The following ACOT7 variants were observed in gnomAD, a reference collection of about 807,000 sequenced individuals.
ACOT7 encodes cytosolic acyl coenzyme A thioester hydrolase.
In ACOT7, 12 loss-of-function variants were observed where a neutral mutation model predicts 40.2. That is an observed-to-expected ratio of 0.30 (90% CI 0.19 to 0.48). The LOEUF (loss-of-function observed/expected upper bound fraction) is 0.48, where lower values mean the gene tolerates loss of function less well. Ranked by LOEUF, ACOT7 falls within the 20% of genes least tolerant of loss-of-function variation. The probability of loss-of-function intolerance (pLI) is 0.99; values close to 1 mark genes in which losing one functional copy is unlikely to be tolerated. For missense variants in ACOT7, 395 were observed against 530.8 expected, an observed-to-expected ratio of 0.74 and a Z score of 2.51; for synonymous variants, 228 against 219.5, an observed-to-expected ratio of 1.04 and a Z score of -0.34.
Position 6,352,014 on chromosome 1 carries a change from G to A in ACOT7, c.144-2148C>T, listed in dbSNP as rs1033592676. On this transcript the variant is annotated intron_variant, in intron 1 of 8. Transcript: ENST00000361521. This position sits in a 1 kb window ranked among gnomAD's most constrained non-coding sequence, Gnocchi z 4.5. ...GAGTACATGCCAGGAACTGCAGACCGCACGCCAGCTGGCTACCACGGGCCT... is the reference window on the plus strand; with the variant it reads ...GAGTACATGCCAGGAACTGCAGACCACACGCCAGCTGGCTACCACGGGCCT... 2.6e-5 allele frequency among the ~76,000 whole-genome samples: 4 copies of A among 152,246 alleles called. No individual in the cohort carries two copies. The highest frequency in any genetic ancestry group is 2.6e-4 in the Admixed American group (4 of 15,294).
chr1:6,298,261 A>C (rs1639868176), intron 6 of ACOT7, among the ~76,000 whole-genome samples: 2 of 152,052 alleles, frequency 1.3e-5, no homozygotes, highest in South Asian at 4.2e-4. Flanking sequence ...CAGCCTCCTA[A>C]GTAGCTGGGA....
intron 1 of ACOT7, among the ~76,000 whole-genome samples, chr1:6,362,494 C>T (rs543632203): frequency 1.3e-5 from 2 of 151,568 alleles, no homozygotes; most frequent in African/African-American, 4.8e-5. Context: ...CCCTCCCATA[C>T]CTACCCAGGC....
chr1:6,331,406 G>T (rs567270426), intron 4 of ACOT7, among the ~76,000 whole-genome samples: 1 of 152,234 alleles, frequency 6.6e-6, no homozygotes, highest in Non-Finnish European at 1.5e-5. Flanking sequence ...GCCAAGGGAC[G>T]CCTGGAGCCA....
chr1:6,355,253 G>C lies in ACOT7; in HGVS notation c.144-5387C>G, dbSNP rs544580122. On this transcript the variant is annotated intron_variant, in intron 1 of 8. Transcript: ENST00000361521. This position sits in a 1 kb window ranked among gnomAD's most constrained non-coding sequence, Gnocchi z 5.0. ...CCCGGCACCACCCACCCAAACCCCAGATGCACAGGGACACCCTGACCCAGG... is the reference window on the plus strand; with the variant it reads ...CCCGGCACCACCCACCCAAACCCCACATGCACAGGGACACCCTGACCCAGG... Among the ~76,000 whole-genome samples the C allele has an allele frequency of 3.3e-5, 5 of 152,228 alleles. No individual in the cohort carries two copies. The highest frequency in any genetic ancestry group is 3.4e-3 in the Middle Eastern group (1 of 294).
chr1:6,305,297 G>C (rs1200069446), intron 6 of ACOT7, among the ~76,000 whole-genome samples: 28 of 121,528 alleles, frequency 2.3e-4, no homozygotes, highest in Non-Finnish European at 4.0e-4. Context: ...CGGGCAGAGG[G>C]GCTCCTCACT....
chr1:6,274,907 A>G lies in ACOT7; in HGVS notation c.1014+6195T>C, dbSNP rs969814047. Among the ~76,000 whole-genome samples the G allele has an allele frequency of 2.0e-5, 3 of 152,146 alleles. No individual in the cohort carries two copies. The highest frequency in any genetic ancestry group is 2.9e-5 in the Non-Finnish European group (2 of 68,014). Reference sequence around the variant, plus strand: ...AGGGTTCTCAGGCAGGGCTCCTCCCAGGACCCCACAGTAGGGCCTGGCTGG... The same window carrying G: ...AGGGTTCTCAGGCAGGGCTCCTCCCGGGACCCCACAGTAGGGCCTGGCTGG... On this transcript the variant is annotated intron_variant, in intron 8 of 8. Transcript: ENST00000361521. The surrounding 1 kb of genome is among the most constrained non-coding windows in gnomAD (Gnocchi z 5.9).
At chr1:6,337,306 TG>T (rs925836597) in intron 3 of ACOT7, among the ~76,000 whole-genome samples, 4 of 152,176 alleles carry the variant, frequency 2.6e-5, no homozygotes, top group Non-Finnish European at 5.9e-5. Flanking sequence ...TGCTCACGCC[TG>T]CCTTGGCTCT....
At chr1:6,357,510 G>A (rs559101306) in intron 1 of ACOT7, among the ~76,000 whole-genome samples, 1 of 152,364 alleles carries the variant, frequency 6.6e-6, no homozygotes, top group African/African-American at 2.4e-5. Flanking sequence ...CAGCTGGAAA[G>A]CTGGGTGGGA....
intron 8 of ACOT7, among the ~76,000 whole-genome samples, chr1:6,273,536 AAGGTGGGGGC>A (rs1639099659): frequency 1.3e-5 from 2 of 152,212 alleles, no homozygotes; most frequent in South Asian, 2.1e-4. Flanking sequence ...GGCTGGCAGC[AAGGTGGGGGC>A]AGGAGGGGGG....
chr1:6,340,122 T>C (rs371627390), intron 2 of ACOT7, among the ~76,000 whole-genome samples: 56 of 152,100 alleles, frequency 3.7e-4, no homozygotes, highest in Middle Eastern at 3.4e-3. Context: ...CCCGCCACCA[T>C]GCCCGGCTAA....
intron 3 of ACOT7, among the ~76,000 whole-genome samples, chr1:6,336,651 G>A (rs192613952): frequency 9.9e-5 from 15 of 152,236 alleles, no homozygotes; most frequent in Admixed American, 2.0e-4. Flanking sequence ...GGGTCCCCGC[G>A]CGCATCCTCT....
intron 1 of ACOT7, among the ~76,000 whole-genome samples, chr1:6,378,792 G>A (rs948375639): frequency 6.6e-6 from 1 of 151,940 alleles, no homozygotes; most frequent in African/African-American, 2.4e-5. Flanking sequence ...CGAGGGCAGG[G>A]GCTGGTGTTC....
rs757084270 is a variant in ACOT7, at chr1:6,306,966, G to A, written c.712+11526C>T. The A allele has an allele frequency of 2.6e-4, 324 of 1,253,346 alleles. No homozygotes were observed. The highest frequency in any genetic ancestry group is 3.8e-4 in the African/African-American group (25 of 65,020). 77.6% of individuals were successfully genotyped at this position (1,253,346 alleles called of 1,614,324 possible). A position where few individuals can be genotyped will look rare whatever the true frequency, so the allele number is the denominator to read the frequency against. On this transcript the variant is annotated intron_variant, in intron 6 of 8. Transcript: ENST00000361521. The surrounding 1 kb of genome is among the most constrained non-coding windows in gnomAD (Gnocchi z 4.3). ...GCGTCTTGGTGGAGGCCTCACTTGC[G>A]TCCCCTCCCATGTTTTCTCTGCCTT...
intron 8 of ACOT7, among the ~76,000 whole-genome samples, chr1:6,277,608 C>T (rs1048994852): frequency 2.0e-5 from 3 of 152,258 alleles, no homozygotes; most frequent in Non-Finnish European, 2.9e-5. Flanking sequence ...AGTGGCTCTG[C>T]GCCTTTGGCC....
At chr1:6,365,518 C>T in intron 1 of ACOT7, among the ~76,000 whole-genome samples, 1 of 152,038 alleles carries the variant, frequency 6.6e-6, no homozygotes, top group Non-Finnish European at 1.5e-5. Context: ...ACCTGTAATC[C>T]CAGCACTTTG....
intron 1 of ACOT7, among the ~76,000 whole-genome samples, chr1:6,361,761 C>A (rs1044125757): frequency 6.6e-6 from 1 of 152,098 alleles, no homozygotes. Flanking sequence ...CACGTCACTG[C>A]GTTACTGCAT....
At chr1:6,285,120 G>T (rs1008708526) in intron 7 of ACOT7, among the ~76,000 whole-genome samples, 3 of 152,160 alleles carry the variant, frequency 2.0e-5, no homozygotes, top group African/African-American at 4.8e-5. Flanking sequence ...GGCCCAGGGG[G>T]CCCAAAGCAG....
At chr1:6,290,450 G>A (rs1639632130) in intron 7 of ACOT7, among the ~76,000 whole-genome samples, 1 of 152,186 alleles carries the variant, frequency 6.6e-6, no homozygotes, top group Non-Finnish European at 1.5e-5. Context: ...GCTCACATGA[G>A]GGGCACGGGC....
intron 3 of ACOT7, 123 bp downstream of exon 3, chr1:6,339,310 T>G (rs1571322412): frequency 7.3e-7 from 1 of 1,365,434 alleles, no homozygotes; most frequent in Non-Finnish European, 1.0e-6. Flanking sequence ...TGGTGGGAGG[T>G]GAGAGAGGTC....
Sources: allele counts gnomAD v4.1 joint callset (sites outside exome capture counted in the v4.1 genomes callset), GRCh38; gene constraint gnomAD v4.1.1; non-coding constraint Gnocchi (gnomAD v3.1); transcripts MANE v1.5; gene names NCBI Gene and HGNC (gene_info 2026-07-23, HGNC 2026-07-21).